ZNF324B: variants seen among roughly 807,000 people sequenced by gnomAD.
ZNF324B encodes zinc finger protein 324B.
In ZNF324B, 7 loss-of-function variants were observed where a neutral mutation model predicts 10.6. The observed-to-expected ratio is 0.66, with a 90% CI of 0.38 to 1.24. ZNF324B has a LOEUF of 1.24. Ranked by LOEUF, ZNF324B falls within the 50% of genes most tolerant of loss-of-function variation. The probability of loss-of-function intolerance (pLI) is 0.02; values close to 1 mark genes in which losing one functional copy is unlikely to be tolerated. For missense variants in ZNF324B, 640 were observed against 764.7 expected (o/e 0.84, Z 1.92); for synonymous variants, 316 against 321.0 (o/e 0.98, Z 0.17).
chr19:58,455,088 C>A lies in ZNF324B; in HGVS notation c.239-95C>A. ...TCTTCTTTTTCCCTAAGCTTTTGTC[C>A]CGGCTCCTGGGCTCCCCCTTGCCTG... On this transcript the variant is annotated intron_variant, in intron 3 of 3. Coordinates refer to ENST00000336614, the MANE Select transcript of ZNF324B (RefSeq NM_207395.3). The surrounding 1 kb of genome is among the most constrained non-coding windows in gnomAD (Gnocchi z 7.0). The A allele has an allele frequency of 6.5e-7, 1 of 1,548,134 alleles. No individual in the cohort carries two copies. Among genetic ancestry groups the A allele is most frequent in the Non-Finnish European group, 8.9e-7 (1 of 1,124,502 alleles).
rs2052934690 is a variant in ZNF324B, at chr19:58,457,542, C to T, written c.*963C>T. 1 of 138,104 alleles carries T rather than the reference C, an allele frequency of 7.2e-6. No homozygotes were observed. The allele number at this position is 138,104 out of a possible 1,614,324, so 8.6% of individuals were successfully genotyped here. ...CCCACCCCCACCCCCTCCATCTCAC[C>T]TTTCCCTTGTTATGCCTCCTCAATT... On this transcript the variant is annotated 3_prime_UTR_variant, in exon 4 of 4. Transcript: ENST00000336614.
chr19:58,436,667 C>CAAAA, the ZNF324B span, among the ~76,000 whole-genome samples: 8 of 65,542 alleles, frequency 1.2e-4, no homozygotes, highest in East Asian at 2.5e-3. Flanking sequence ...GACTCCATCT[C>CAAAA]AAAAAAAAAA....
chr19:58,438,089 C>T, the ZNF324B span, among the ~76,000 whole-genome samples: 2 of 152,160 alleles, frequency 1.3e-5, no homozygotes, highest in African/African-American at 2.4e-5. Context: ...GATAACATGC[C>T]CTGACCACAA....
chr19:58,435,010 C>T, the ZNF324B span: 3 of 1,614,168 alleles, frequency 1.9e-6, no homozygotes, highest in South Asian at 1.1e-5. Context: ...CCCACATGCT[C>T]CACATGTGTA....
upstream of ZNF324B, among the ~76,000 whole-genome samples, chr19:58,448,860 T>G (rs540785710): frequency 6.9e-4 from 105 of 152,330 alleles, 2 homozygotes; most frequent in Middle Eastern, 3.4e-3. Context: ...TTCAGAAAAT[T>G]TGCAGCCTGA....
chr19:58,435,035 A>G, the ZNF324B span: 27 of 1,614,046 alleles, frequency 1.7e-5, no homozygotes, highest in Non-Finnish European at 2.3e-5. Flanking sequence ...TTCTCCTCAG[A>G]CTGTGTTCCC....
the ZNF324B span, chr19:58,428,986 C>A: frequency 1.3e-4 from 20 of 152,320 alleles, no homozygotes; most frequent in African/African-American, 4.8e-4. Context: ...TGTGGAGGTT[C>A]TCAAAGAAAC....
At chr19:58,433,904 G>A in the ZNF324B span, 2 of 1,614,144 alleles carry the variant, frequency 1.2e-6, no homozygotes, top group Non-Finnish European at 1.7e-6. Context: ...CACTCATAAG[G>A]CCTTTGCCCA....
chr19:58,456,519 T>C lies in ZNF324B; in HGVS notation c.1575T>C (p.His525=). 1 of 1,614,136 alleles carries C rather than the reference T, an allele frequency of 6.2e-7. No individual in the cohort carries two copies. Among genetic ancestry groups the C allele is most frequent in the Non-Finnish European group, 8.5e-7 (1 of 1,180,018 alleles). ...CTPGPGFLQG[H]HRKVRRGGKP... ...CGGGGCCAGGTTTCCTTCAGGGACATCATCGGAAGGTGCGCCGGGGAGGGA... is the reference window on the plus strand; with the variant it reads ...CGGGGCCAGGTTTCCTTCAGGGACACCATCGGAAGGTGCGCCGGGGAGGGA... Residue 525 remains histidine, a synonymous_variant, in exon 4 of 4, where the codon CAT becomes CAC. Coordinates refer to ENST00000336614, the MANE Select transcript of ZNF324B (RefSeq NM_207395.3). The surrounding 1 kb of genome is among the most constrained non-coding windows in gnomAD (Gnocchi z 4.7).
the ZNF324B span, chr19:58,429,705 GA>G: frequency 2.0e-5 from 3 of 152,228 alleles, no homozygotes; most frequent in African/African-American, 7.2e-5. Context: ...CACCAGCTCA[GA>G]TCTTAGCAAG....
the ZNF324B span, among the ~76,000 whole-genome samples, chr19:58,438,522 G>A: frequency 7.1e-6 from 1 of 140,160 alleles, no homozygotes; most frequent in African/African-American, 2.8e-5. Flanking sequence ...CACCCAGGTT[G>A]GAGTGCAGTG....
In ZNF324B at chr19:58,455,718, A is replaced by C; in HGVS notation, c.774A>C (p.Glu258Asp). The change falls in exon 4 of 4, where the codon GAA becomes GAC. Residue 258 changes from glutamate (E) to aspartate (D), a missense_variant. By Grantham distance (45) the Glu-to-Asp change is conservative (BLOSUM62 2). Coordinates refer to ENST00000336614, the MANE Select transcript of ZNF324B (RefSeq NM_207395.3). The surrounding 1 kb of genome is among the most constrained non-coding windows in gnomAD (Gnocchi z 7.0). The stretch of plus-strand genomic sequence containing the variant: ...TTCACGCTGGGGAGAAGTCCTTCGA[A>C]TGCAGGGCGTGCAGCAAAGTGTTCG... ...EALHAGEKSF[E>D]CRACSKVFVK... 6.2e-7 allele frequency: 1 copy of C among 1,613,664 alleles called. No homozygotes were observed. The highest frequency in any genetic ancestry group is 8.5e-7 in the Non-Finnish European group (1 of 1,179,904).
At chr19:58,445,545 G>T in the ZNF324B span, 2 of 511,690 alleles carry the variant, frequency 3.9e-6, no homozygotes, top group Non-Finnish European at 7.8e-6. Flanking sequence ...GCCAGGTGTG[G>T]TGGCTCATGC....
At chr19:58,449,915 C>G (rs2122332156), upstream of ZNF324B, among the ~76,000 whole-genome samples, 1 of 152,200 alleles carries the variant, frequency 6.6e-6, no homozygotes, top group South Asian at 2.1e-4. Context: ...ACGATTGGTT[C>G]TGAAATGTGA....
chr19:58,449,314 G>A (rs1477194271), upstream of ZNF324B, among the ~76,000 whole-genome samples: 1 of 152,208 alleles, frequency 6.6e-6, no homozygotes, highest in Non-Finnish European at 1.5e-5. Flanking sequence ...GCAGGGGCAG[G>A]GCCCTCATGG....
the ZNF324B span, among the ~76,000 whole-genome samples, chr19:58,432,039 C>T: frequency 6.6e-6 from 1 of 152,090 alleles, no homozygotes; most frequent in South Asian, 2.1e-4. Context: ...GGTTCTGGAT[C>T]TCTAGCTCCT....
the ZNF324B span, among the ~76,000 whole-genome samples, chr19:58,428,406 G>A: frequency 2.0e-5 from 3 of 152,192 alleles, no homozygotes; most frequent in African/African-American, 7.2e-5. Context: ...TGGAAAACCA[G>A]GAGATATGGG....
the ZNF324B span, chr19:58,430,700 T>C: frequency 6.6e-6 from 1 of 152,258 alleles, no homozygotes; most frequent in Non-Finnish European, 1.5e-5. Flanking sequence ...TTTTTGGTTA[T>C]AGATAAGAAT....
the ZNF324B span, among the ~76,000 whole-genome samples, chr19:58,427,676 G>A: frequency 1.8e-4 from 26 of 148,524 alleles, no homozygotes; most frequent in Admixed American, 2.0e-4. Context: ...CTGTTTTAGA[G>A]ACAAGGTCTC....
Sources: gnomAD v4.1 joint callset for allele counts (sites outside exome capture counted in the v4.1 genomes callset) on GRCh38, gnomAD v4.1.1 for gene constraint, Gnocchi (gnomAD v3.1) non-coding constraint, MANE v1.5 for transcripts, NCBI Gene and HGNC (gene_info 2026-07-23, HGNC 2026-07-21) for gene names.